SLC24A2: variants seen among roughly 807,000 people sequenced by gnomAD.
SLC24A2 encodes the protein solute carrier family 24 member 2, also known as sodium/potassium/calcium exchanger 2.
A neutral mutation model predicts 62.0 loss-of-function variants in SLC24A2; 36 were observed. The ratio of observed to expected loss-of-function variants is 0.58; its 90% CI spans 0.44 to 0.77. SLC24A2 has a LOEUF of 0.77. Ranked by LOEUF, SLC24A2 falls within the 30% of genes least tolerant of loss-of-function variation. The pLI is 0.00. For missense variants in SLC24A2, 846 were observed against 817.9 expected (o/e 1.03, Z -0.42); for synonymous variants, 358 against 294.0 (o/e 1.22, Z -2.23).
At chr9:20,126,612 G>A in the SLC24A2 span, among the ~76,000 whole-genome samples, 3 of 152,138 alleles carry the variant, frequency 2.0e-5, no homozygotes, top group African/African-American at 7.2e-5. Flanking sequence ...CCCAAAGTTA[G>A]GGAAAGTGCC....
At chr9:20,223,852 A>C in the SLC24A2 span, among the ~76,000 whole-genome samples, 1 of 152,122 alleles carries the variant, frequency 6.6e-6, no homozygotes, top group Non-Finnish European at 1.5e-5. Flanking sequence ...CTGAGACAGT[A>C]ATTTATAAAG....
In SLC24A2 at chr9:19,514,762, C is replaced by T. The variant is rs559966845; in HGVS notation, c.*1391G>A. ...GATGGAAGAAGAGACATAGATGTTA[C>T]AAGAACTTTAACCAAAGCCTGGTCC... On this transcript the variant is annotated 3_prime_UTR_variant, in exon 11 of 11. Coordinates refer to ENST00000341998, the MANE Select transcript of SLC24A2 (RefSeq NM_020344.4). 108 of 152,272 alleles carry T rather than the reference C, an allele frequency of 7.1e-4. No homozygotes were observed. The highest frequency in any genetic ancestry group is 2.5e-3 in the African/African-American group (105 of 41,544). 9.4% of individuals were successfully genotyped at this position (152,272 alleles called of 1,614,324 possible). A position where few individuals can be genotyped will look rare whatever the true frequency, so the allele number is the denominator to read the frequency against.
chr9:20,245,614 C>G, the SLC24A2 span, among the ~76,000 whole-genome samples: 1 of 152,180 alleles, frequency 6.6e-6, no homozygotes, highest in South Asian at 2.1e-4. Flanking sequence ...TTAGAAAGAA[C>G]AGCTTGGTCT....
chr9:20,293,940 C>T, the SLC24A2 span, among the ~76,000 whole-genome samples: 7 of 152,280 alleles, frequency 4.6e-5, no homozygotes, highest in East Asian at 9.7e-4. Flanking sequence ...CTATGGCAGA[C>T]ACCCTGAGCC....
rs1360808191 is a variant in SLC24A2, at chr9:19,560,936, G to GAC, written c.1348-10669_1348-10668insGT. On this transcript the variant is annotated intron_variant, in intron 7 of 10. Coordinates refer to ENST00000341998, the MANE Select transcript of SLC24A2 (RefSeq NM_020344.4). ...ATATATAGAGAGAGAGAGAGAGAGAGAGAGAGAGAGACAGAGTCTTACTCT... is the reference window on the plus strand; with the variant it reads ...ATATATAGAGAGAGAGAGAGAGAGAGACAGAGAGAGAGACAGAGTCTTACTCT... 2.4e-3 allele frequency among the ~76,000 whole-genome samples: 306 copies of GAC among 126,326 alleles called. 1 individual carries two copies. Among genetic ancestry groups the GAC allele is most frequent in the African/African-American group, 8.0e-3 (268 of 33,340 alleles). 82.9% of individuals were successfully genotyped at this position (126,326 alleles called of 152,430 possible).
chr9:19,507,761 A>G lies in SLC24A2; in HGVS notation c.*8392T>C, dbSNP rs1832554091. 1 of 152,214 alleles carries G rather than the reference A, an allele frequency of 6.6e-6. No homozygotes were observed. Among genetic ancestry groups the G allele is most frequent in the Non-Finnish European group, 1.5e-5 (1 of 68,016 alleles). 9.4% of individuals were successfully genotyped at this position (152,214 alleles called of 1,614,324 possible). ...ACGCATAATAAACACAACACATACA[A>G]AATGACAGAAGTAATTTGGAAGTGC... On this transcript the variant is annotated 3_prime_UTR_variant, in exon 11 of 11. Transcript: ENST00000341998.
chr9:20,098,511 G>T, the SLC24A2 span, among the ~76,000 whole-genome samples: 1 of 152,160 alleles, frequency 6.6e-6, no homozygotes, highest in African/African-American at 2.4e-5. Context: ...AAGGAGCCAT[G>T]TTGTCCTTTT....
At chr9:19,911,954 C>T in the SLC24A2 span, among the ~76,000 whole-genome samples, 1 of 152,096 alleles carries the variant, frequency 6.6e-6, no homozygotes, top group Non-Finnish European at 1.5e-5. Flanking sequence ...GCCATTGAGC[C>T]TTTTAGTGTC....
At chr9:19,903,933 C>G in the SLC24A2 span, among the ~76,000 whole-genome samples, 1 of 152,114 alleles carries the variant, frequency 6.6e-6, no homozygotes, top group African/African-American at 2.4e-5. Flanking sequence ...AATCAAAAAG[C>G]CTCTCATGCA....
At chr9:20,189,786 A>G in the SLC24A2 span, among the ~76,000 whole-genome samples, 2 of 150,452 alleles carry the variant, frequency 1.3e-5, no homozygotes, top group Non-Finnish European at 2.9e-5. Flanking sequence ...TTAGCTACGG[A>G]TTTCTGATTA....
chr9:20,089,068 T>C, the SLC24A2 span, among the ~76,000 whole-genome samples: 2 of 152,166 alleles, frequency 1.3e-5, no homozygotes, highest in Admixed American at 6.5e-5. Flanking sequence ...GCTGGGGCTA[T>C]TGAGCTAGTA....
chr9:19,952,691 G>C, the SLC24A2 span, among the ~76,000 whole-genome samples: 1 of 147,854 alleles, frequency 6.8e-6, no homozygotes, highest in East Asian at 2.0e-4. Context: ...TGTTCATGAG[G>C]TGCAATCGTC....
chr9:19,528,150 C>T lies in SLC24A2; in HGVS notation c.1480-12G>A, dbSNP rs1474828119. On this transcript the variant is annotated splice_polypyrimidine_tract_variant and intron_variant, in intron 8 of 10. Transcript: ENST00000341998. ...AACTTCCTCGATGACTGAAAGACAA[C>T]CAGGAAGAGTTGAGAATATCAGTGT... 3.3e-6 allele frequency: 5 copies of T among 1,535,680 alleles called. No homozygotes were observed. The African/African-American group carries it at 4.1e-5, about 13-fold the overall frequency.
At position 19,533,653 on chromosome 9, in the gene SLC24A2, A is replaced by G. The variant is rs575487603; in HGVS notation, c.1480-5515T>C. Among the ~76,000 whole-genome samples, 181 of 152,284 alleles carry G rather than the reference A, an allele frequency of 1.2e-3. 1 individual carries two copies. The highest frequency in any genetic ancestry group is 4.1e-3 in the African/African-American group (170 of 41,552). On this transcript the variant is annotated intron_variant, in intron 8 of 10. Coordinates refer to ENST00000341998, the MANE Select transcript of SLC24A2 (RefSeq NM_020344.4). ...TTCCAGCTTCAATAGCCCTGTACCAACCAGCTCCCAGCCATTAACTGAGCA... is the reference window on the plus strand; with the variant it reads ...TTCCAGCTTCAATAGCCCTGTACCAGCCAGCTCCCAGCCATTAACTGAGCA...
At chr9:19,662,885 T>A (rs1819142937) in intron 2 of SLC24A2, among the ~76,000 whole-genome samples, 2 of 152,256 alleles carry the variant, frequency 1.3e-5, no homozygotes, top group South Asian at 4.1e-4. Context: ...TGCACGTGTG[T>A]GTATGTGTTA....
intron 5 of SLC24A2, among the ~76,000 whole-genome samples, chr9:19,580,330 T>G (rs989363201): frequency 1.3e-5 from 2 of 152,240 alleles, no homozygotes; most frequent in Non-Finnish European, 2.9e-5. Context: ...AGGCTGCAGT[T>G]GAGGGCCCAC....
At chr9:20,177,923 G>C in the SLC24A2 span, among the ~76,000 whole-genome samples, 2 of 152,096 alleles carry the variant, frequency 1.3e-5, no homozygotes, top group Admixed American at 1.3e-4. Flanking sequence ...CGCTCAGTAA[G>C]TGGAGAGCCA....
chr9:19,836,759 G>A, the SLC24A2 span, among the ~76,000 whole-genome samples: 111 of 152,216 alleles, frequency 7.3e-4, 1 homozygote, highest in Middle Eastern at 0.01. Flanking sequence ...ACCAAAGCCT[G>A]GCAGAGACAC....
chr9:19,618,545 T>C (rs1817827671), intron 4 of SLC24A2, among the ~76,000 whole-genome samples: 1 of 152,192 alleles, frequency 6.6e-6, no homozygotes, highest in South Asian at 2.1e-4. Flanking sequence ...GAGGTGCATG[T>C]CCAATGAAGG....
Sources: allele counts gnomAD v4.1 joint callset (sites outside exome capture counted in the v4.1 genomes callset), GRCh38; gene constraint gnomAD v4.1.1; transcripts MANE v1.5; gene names NCBI Gene and HGNC (gene_info 2026-07-23, HGNC 2026-07-21).